The following TRPM2 variants were observed in gnomAD, a reference collection of about 807,000 sequenced individuals.
The protein encoded by TRPM2 is estrogen-responsive element-associated gene 1 protein.
In TRPM2, 161 loss-of-function variants were observed where a neutral mutation model predicts 174.0. The observed-to-expected ratio is 0.93, with a 90% CI of 0.81 to 1.05. The LOEUF is 1.05. TRPM2 is among the 50% of genes least tolerant of loss of function. TRPM2 has a pLI of 0.00. For missense variants in TRPM2, 2,057 were observed against 2,038.0 expected (o/e 1.01, Z -0.18); for synonymous variants, 954 against 861.3 (o/e 1.11, Z -1.88).
chr21:44,423,647 T>A lies in TRPM2; in HGVS notation c.3464T>A (p.Val1155Asp). The change falls in exon 23 of 32, where the codon GTT becomes GAT. Residue 1155 changes from valine to aspartate, a missense_variant and splice_region_variant. Physicochemically the swap from Val to Asp is radical, Grantham distance 152. Coordinates refer to ENST00000397928, the MANE Select transcript of TRPM2 (RefSeq NM_003307.4). ...AGCTCAGCTGCTTCCTCTTTCAGGG[T>A]TGACGCCATGGTGGACCTGCTGGAC... ...EQKIEDISNK[V>D]DAMVDLLDLD... is the part of the protein sequence containing the mutation. 1 of 1,612,324 alleles carries A rather than the reference T, an allele frequency of 6.2e-7. No homozygotes were observed. Among genetic ancestry groups the A allele is most frequent in the South Asian group, 1.1e-5 (1 of 90,424 alleles).
chr21:44,384,396 G>A (rs1471335097), intron 9 of TRPM2, among the ~76,000 whole-genome samples: 1 of 152,178 alleles, frequency 6.6e-6, no homozygotes, highest in African/African-American at 2.4e-5. Flanking sequence ...TCTGGCAAGG[G>A]CCTGCCTCAT....
At chr21:44,402,474 C>T (rs535826504) in intron 16 of TRPM2, among the ~76,000 whole-genome samples, 4 of 152,280 alleles carry the variant, frequency 2.6e-5, no homozygotes, top group South Asian at 2.1e-4. Flanking sequence ...GAGGCACGTC[C>T]CCAGAGAGGC....
intron 28 of TRPM2, among the ~76,000 whole-genome samples, chr21:44,435,823 G>A (rs1211117883): frequency 8.5e-5 from 11 of 128,656 alleles, no homozygotes; most frequent in South Asian, 2.7e-4. Context: ...ACCCATCCAC[G>A]GGGACACAGC....
Position 44,427,119 on chromosome 21 carries a change from T to G in TRPM2, c.3974+8T>G. On this transcript the variant is annotated splice_region_variant and intron_variant, in intron 27 of 31. Transcript: ENST00000397928. ...GCAGGCCGGGTTGCCCCTGTGAGTG[T>G]GCCCCCTGCGGGCCCCGCCCCGTCA... 6.3e-7 allele frequency: 1 copy of G among 1,575,506 alleles called. No homozygotes were observed.
At chr21:44,397,654 G>A in intron 12 of TRPM2, 93 bp from the exon 13 acceptor site, 2 of 1,410,796 alleles carry the variant, frequency 1.4e-6, no homozygotes. Flanking sequence ...CTGTCCCCGG[G>A]CCTCGTTTTC....
chr21:44,405,964 T>C lies in TRPM2; in HGVS notation c.2717T>C (p.Phe906Ser), dbSNP rs1219387991. 1 of 1,608,600 alleles carries C rather than the reference T, an allele frequency of 6.2e-7. No homozygotes were observed. Among genetic ancestry groups the C allele is most frequent in the African/African-American group, 1.3e-5 (1 of 74,936 alleles). Reference sequence around the variant, plus strand: ...ATCCTCTCTCTGGACTTCATCCTGTTCTGCCTCCGGCTCATGCACATTTTT... The same window carrying C: ...ATCCTCTCTCTGGACTTCATCCTGTCCTGCCTCCGGCTCATGCACATTTTT... ...RVILSLDFILFCLRLMHIFTI... is the reference protein window; with the variant it reads ...RVILSLDFILSCLRLMHIFTI... The change falls in exon 18 of 32, where the codon TTC becomes TCC. Residue 906 changes from phenylalanine to serine, a missense_variant. Phe to Ser is a radical substitution (Grantham distance 155, BLOSUM62 -2). Coordinates refer to ENST00000397928, the MANE Select transcript of TRPM2 (RefSeq NM_003307.4).
intron 5 of TRPM2, among the ~76,000 whole-genome samples, chr21:44,370,949 G>A (rs780466540): frequency 4.6e-5 from 7 of 152,156 alleles, no homozygotes; most frequent in Non-Finnish European, 8.8e-5. Context: ...TGTGGACGGC[G>A]GAGGGTGTGT....
At chr21:44,369,464 C>G (rs45472198) in intron 5 of TRPM2, 121 bp downstream of exon 5, 2 of 1,052,436 alleles carry the variant, frequency 1.9e-6, no homozygotes, top group East Asian at 3.2e-5. Context: ...TCTGACCGGG[C>G]GCTGTGGGGA....
intron 2 of TRPM2, among the ~76,000 whole-genome samples, chr21:44,361,712 A>T (rs1414107463): frequency 1.3e-5 from 2 of 149,696 alleles, no homozygotes; most frequent in Middle Eastern, 3.2e-3. Context: ...TATTCATACT[A>T]TTTTTGTTTT....
chr21:44,435,544 C>T (rs1204098944), intron 28 of TRPM2, among the ~76,000 whole-genome samples: 1 of 150,774 alleles, frequency 6.6e-6, no homozygotes, highest in Non-Finnish European at 1.5e-5. Flanking sequence ...CTAAGTCTCA[C>T]TCCTCCATTC....
chr21:44,403,984 GCATACACACATACA>G (rs2049748038), intron 16 of TRPM2, among the ~76,000 whole-genome samples: 2 of 147,812 alleles, frequency 1.4e-5, no homozygotes, highest in East Asian at 2.0e-4. Flanking sequence ...ACATACACAT[GCATACACACATACA>G]CATACACACA....
rs753305204 is a variant in TRPM2 at position 44,375,899 on chromosome 21, AACC to A, written c.841_843del (p.His281del). On this transcript the variant is annotated inframe_deletion, in exon 6 of 32. Coordinates refer to ENST00000397928, the MANE Select transcript of TRPM2 (RefSeq NM_003307.4). ...AGGGAACCTGACCTGCCTAGACAGC[AACC>A]ACTCTCACTTCATCCTCGTGGACGA... 114 of 1,614,112 alleles carry A rather than the reference AACC, an allele frequency of 7.1e-5. No individual in the cohort carries two copies. In the Admixed American group the frequency reaches 1.9e-3, roughly 26 times the overall value.
intron 2 of TRPM2, among the ~76,000 whole-genome samples, chr21:44,362,725 C>T (rs139018680): frequency 1.2e-4 from 18 of 152,186 alleles, no homozygotes; most frequent in Admixed American, 9.2e-4. Context: ...GTGACAAATT[C>T]CCTAGCCTTC....
rs553868135 is a variant in TRPM2 at position 44,438,581 on chromosome 21, G to A, written c.4168-486G>A. ...TGTGGGGAGGAGGAGGTGCAGGCCG[G>A]AGCTGGGTCCCTGAGTCAGGTGGCG... On this transcript the variant is annotated intron_variant, in intron 29 of 31. Transcript: ENST00000397928. This position sits in a 1 kb window ranked among gnomAD's most constrained non-coding sequence, Gnocchi z 5.9. 3.3e-5 allele frequency among the ~76,000 whole-genome samples: 5 copies of A among 152,250 alleles called. No homozygotes were observed. The highest frequency in any genetic ancestry group is 1.3e-4 in the Admixed American group (2 of 15,306).
At chr21:44,412,482 C>CT (rs2050139422) in intron 19 of TRPM2, among the ~76,000 whole-genome samples, 1 of 152,080 alleles carries the variant, frequency 6.6e-6, no homozygotes, top group South Asian at 2.1e-4. Context: ...AGCCTTCTCT[C>CT]TTTTTTTCCT....
chr21:44,379,372 C>G (rs2048808846), intron 8 of TRPM2, among the ~76,000 whole-genome samples, 175 bp downstream of exon 8: 1 of 152,190 alleles, frequency 6.6e-6, no homozygotes, highest in Non-Finnish European at 1.5e-5. Flanking sequence ...TGGCTGGGTT[C>G]CGGAGGTCAG....
At chr21:44,436,853 C>T (rs1225190132) in intron 28 of TRPM2, among the ~76,000 whole-genome samples, 1 of 152,122 alleles carries the variant, frequency 6.6e-6, no homozygotes, top group African/African-American at 2.4e-5. Flanking sequence ...TCTAGTTCTA[C>T]CAGCTATGAT....
Position 44,391,065 on chromosome 21 carries a change from C to G in TRPM2, c.1440+40C>G. On this transcript the variant is annotated intron_variant, in intron 10 of 31. Transcript: ENST00000397928. The surrounding 1 kb of genome is among the most constrained non-coding windows in gnomAD (Gnocchi z 5.0). ...GCACCCCGTGGAGGGGCCTACTGGG[C>G]CCACATGCATTGCACCACTGAAGCA... is the stretch of plus-strand genomic sequence containing the variant. 2 of 1,612,342 alleles carry G rather than the reference C, an allele frequency of 1.2e-6. No individual in the cohort carries two copies. Among genetic ancestry groups the G allele is most frequent in the South Asian group, 1.1e-5 (1 of 90,998 alleles).
chr21:44,353,844 C>T lies in TRPM2; in HGVS notation c.144C>T (p.Cys48=). The change falls in exon 1 of 32, where the codon TGC becomes TGT. Residue 48 remains cysteine (C), a synonymous_variant. Transcript: ENST00000397928. ...TCTTCAAGAGCTGGAGGCTACAGTG[C>T]CCCTTCGGCAACAATGACAAGGTAG... ...SSLFKSWRLQ[C]PFGNNDKQES... 6.3e-7 allele frequency: 1 copy of T among 1,599,472 alleles called. No individual in the cohort carries two copies.
Sources: gnomAD v4.1 joint callset for allele counts (sites outside exome capture counted in the v4.1 genomes callset) on GRCh38, gnomAD v4.1.1 for gene constraint, Gnocchi (gnomAD v3.1) non-coding constraint, MANE v1.5 for transcripts, NCBI Gene and HGNC (gene_info 2026-07-23, HGNC 2026-07-21) for gene names.